The following FBXL20 variants were observed in gnomAD, a reference collection of about 807,000 sequenced individuals.
The protein encoded by FBXL20 is F-box and leucine rich repeat protein 20.
FBXL20 carries 11 observed loss-of-function variants against 64.0 expected under a neutral mutation model. That is an observed-to-expected ratio of 0.17 (90% CI 0.11 to 0.28). The LOEUF (loss-of-function observed/expected upper bound fraction) is 0.28, where lower values mean the gene tolerates loss of function less well. Among genes scored for constraint, FBXL20 ranks in the 10% least tolerant of loss-of-function variants. The pLI, the probability that FBXL20 is intolerant of heterozygous loss-of-function variation, is 1.00. For missense variants in FBXL20, 303 were observed against 526.2 expected (o/e 0.58, Z 4.15); for synonymous variants, 184 against 189.0 (o/e 0.97, Z 0.22).
At chr17:39,301,180 C>T (rs2047131126) in intron 3 of FBXL20, 105 bp from the exon 4 acceptor site, 2 of 984,190 alleles carry the variant, frequency 2.0e-6, no homozygotes, top group African/African-American at 1.6e-5. Flanking sequence ...AAAATGGATC[C>T]AAAAATTTAT....
chr17:39,332,211 C>A (rs941340529), intron 2 of FBXL20, among the ~76,000 whole-genome samples: 1 of 152,182 alleles, frequency 6.6e-6, no homozygotes, highest in Admixed American at 6.5e-5. Flanking sequence ...ACATTGTGTG[C>A]GAGCTTCTCT....
rs56842905 is a variant in FBXL20 at position 39,398,040 on chromosome 17, C to CG, written c.42+3320dup. Among the ~76,000 whole-genome samples the CG allele has an allele frequency of 3.7e-3, 209 of 56,008 alleles. 1 individual carries two copies. The highest frequency in any genetic ancestry group is 0.034 in the South Asian group (23 of 670). The allele number at this position is 56,008 out of a possible 152,430, so 36.7% of individuals were successfully genotyped here. ...CCCAGCACTTTGGGAGGCCGGCGGG[C>CG]GGGGGGGGGGGGGGGGTTGGATCAC... is the stretch of plus-strand genomic sequence containing the variant. On this transcript the variant is annotated intron_variant, in intron 1 of 14. Coordinates refer to ENST00000264658, the MANE Select transcript of FBXL20 (RefSeq NM_032875.3).
chr17:39,345,028 C>T (rs1230788409), intron 1 of FBXL20, among the ~76,000 whole-genome samples: 1 of 152,126 alleles, frequency 6.6e-6, no homozygotes, highest in Non-Finnish European at 1.5e-5. Context: ...ATGTAAAAAA[C>T]CAAATACCAT....
At chr17:39,269,518 G>C (rs1251453083) in intron 11 of FBXL20, among the ~76,000 whole-genome samples, 2 of 62,128 alleles carry the variant, frequency 3.2e-5, no homozygotes, top group Non-Finnish European at 6.1e-5. Flanking sequence ...TTTTTTTTTT[G>C]AGACAGAGTT....
At chr17:39,370,831 C>T (rs1300659107) in intron 1 of FBXL20, among the ~76,000 whole-genome samples, 2 of 151,888 alleles carry the variant, frequency 1.3e-5, no homozygotes. Flanking sequence ...CATTGGCAAC[C>T]TTATATTAGC....
intron 2 of FBXL20, among the ~76,000 whole-genome samples, chr17:39,337,800 T>C (rs1474020400): frequency 6.8e-6 from 1 of 147,440 alleles, no homozygotes; most frequent in East Asian, 2.0e-4. Flanking sequence ...CCAGGCCAGC[T>C]GCCCCGTCCA....
chr17:39,274,133 C>T (rs1184913877), intron 10 of FBXL20, among the ~76,000 whole-genome samples: 3 of 152,176 alleles, frequency 2.0e-5, no homozygotes, highest in Non-Finnish European at 4.4e-5. Context: ...CCTCGGTCTC[C>T]CTAAATGCTG....
chr17:39,298,516 C>G (rs1476360181), intron 5 of FBXL20, among the ~76,000 whole-genome samples: 2 of 152,002 alleles, frequency 1.3e-5, no homozygotes, highest in Non-Finnish European at 2.9e-5. Context: ...TGCAAGAGTT[C>G]GAGACCAGCC....
intron 1 of FBXL20, among the ~76,000 whole-genome samples, chr17:39,355,300 T>A (rs1020815907): frequency 9.4e-5 from 14 of 149,576 alleles, no homozygotes; most frequent in African/African-American, 2.9e-4. Context: ...CTGAGGTGGG[T>A]GGACTGTTTG....
intron 2 of FBXL20, among the ~76,000 whole-genome samples, chr17:39,322,697 T>G (rs1445198430): frequency 6.6e-6 from 1 of 152,090 alleles, no homozygotes; most frequent in Non-Finnish European, 1.5e-5. Context: ...GGAACACATA[T>G]CTATAATGAG....
chr17:39,264,068 C>G (rs2046771092), intron 14 of FBXL20, 107 bp downstream of exon 14: 1 of 1,206,124 alleles, frequency 8.3e-7, no homozygotes, highest in Admixed American at 2.3e-5. Context: ...GTTAAATGTT[C>G]AAGTAAATAT....
intron 2 of FBXL20, among the ~76,000 whole-genome samples, chr17:39,307,736 C>T (rs1025912148): frequency 4.6e-5 from 7 of 151,610 alleles, no homozygotes; most frequent in Admixed American, 1.3e-4. Context: ...TTTGGGAGGC[C>T]GAGGCGGGTG....
intron 6 of FBXL20, 96 bp downstream of exon 6, chr17:39,297,030 TA>T: frequency 1.5e-6 from 1 of 674,384 alleles, no homozygotes. Flanking sequence ...AAAACCAAGA[TA>T]AAATTTGCTC....
At chr17:39,338,588 A>G (rs1048188645) in intron 2 of FBXL20, among the ~76,000 whole-genome samples, 1 of 152,230 alleles carries the variant, frequency 6.6e-6, no homozygotes, top group Admixed American at 6.5e-5. Context: ...ATGTAGTCTC[A>G]ATGTAGTTCT....
intron 2 of FBXL20, among the ~76,000 whole-genome samples, chr17:39,319,787 T>G (rs1049426978): frequency 3.3e-5 from 5 of 151,684 alleles, no homozygotes; most frequent in African/African-American, 9.7e-5. Flanking sequence ...TTCATTATTA[T>G]TTTTAAAATA....
At chr17:39,309,691 C>T (rs2047214018) in intron 2 of FBXL20, among the ~76,000 whole-genome samples, 1 of 150,768 alleles carries the variant, frequency 6.6e-6, no homozygotes, top group Non-Finnish European at 1.5e-5. Context: ...ATCCCAGCTA[C>T]TTGCACAGGA....
intron 2 of FBXL20, among the ~76,000 whole-genome samples, chr17:39,340,390 C>T (rs1281531572): frequency 3.3e-5 from 5 of 151,578 alleles, no homozygotes; most frequent in Admixed American, 6.6e-5. Flanking sequence ...CCACCGCGCC[C>T]GACTAATTTC....
At chr17:39,401,279 A>C in intron 1 of FBXL20, 82 bp downstream of exon 1, 3 of 1,605,306 alleles carry the variant, frequency 1.9e-6, no homozygotes, top group South Asian at 1.1e-5. Context: ...GCCAGGGAGG[A>C]GGCTCCGTGC....
chr17:39,306,866 G>T (rs1567872679), intron 2 of FBXL20, among the ~76,000 whole-genome samples: 1 of 152,144 alleles, frequency 6.6e-6, no homozygotes, highest in Non-Finnish European at 1.5e-5. Flanking sequence ...AAATAAGCTG[G>T]GAGGGTTAAG....
Sources: gnomAD v4.1 joint callset for allele counts (sites outside exome capture counted in the v4.1 genomes callset) on GRCh38, gnomAD v4.1.1 for gene constraint, MANE v1.5 for transcripts, NCBI Gene and HGNC (gene_info 2026-07-23, HGNC 2026-07-21) for gene names.